The following METTL15 variants were observed in gnomAD, a reference collection of about 807,000 sequenced individuals.
METTL15 encodes 12S rRNA N(4)-cytidine methyltransferase METTL15.
METTL15 carries 34 observed loss-of-function variants against 38.3 expected under a neutral mutation model. The observed-to-expected ratio is 0.89, with a 90% CI of 0.68 to 1.18. The LOEUF (loss-of-function observed/expected upper bound fraction) is 1.18, where lower values mean the gene tolerates loss of function less well. METTL15 is among the 50% of genes most tolerant of loss of function. The pLI is 0.00. For missense variants in METTL15, 438 were observed against 498.4 expected, an observed-to-expected ratio of 0.88 and a Z score of 1.15; for synonymous variants, 162 against 170.9, an observed-to-expected ratio of 0.95 and a Z score of 0.41.
chr11:28,177,963 A>C lies in METTL15; in HGVS notation c.271-33099A>C, dbSNP rs138336557. Among the ~76,000 whole-genome samples the C allele has an allele frequency of 2.2e-4, 33 of 152,112 alleles. 1 individual carries two copies. Among genetic ancestry groups the C allele is most frequent in the Admixed American group, 1.3e-3 (20 of 15,252 alleles). ...AGCATAATCGAAGACAGTTACTCTT[A>C]TTATATTATTACATTGCTGATTTGG... On this transcript the variant is annotated intron_variant, in intron 3 of 6. Coordinates refer to ENST00000407364, the MANE Select transcript of METTL15 (RefSeq NM_001113528.2).
At chr11:28,216,319 G>C (rs1852868227) in intron 4 of METTL15, among the ~76,000 whole-genome samples, 1 of 151,878 alleles carries the variant, frequency 6.6e-6, no homozygotes, top group South Asian at 2.1e-4. Context: ...TCCAAAAATT[G>C]ATTCTGCTAA....
At chr11:28,439,971 C>T (rs1411574626) in intron 6 of METTL15, among the ~76,000 whole-genome samples, 1 of 152,074 alleles carries the variant, frequency 6.6e-6, no homozygotes, top group African/African-American at 2.4e-5. Flanking sequence ...GCTCCTAGGG[C>T]TTTTTATTTG....
rs535069071 is a variant in METTL15, at chr11:28,137,077, C to G, written c.270+23473C>G. On this transcript the variant is annotated intron_variant, in intron 3 of 6. Coordinates refer to ENST00000407364, the MANE Select transcript of METTL15 (RefSeq NM_001113528.2). ...TTTATCCAATCTTAGCCAGTTTGAC[C>G]ATGAGGTGAGATTTTGGTAAACCTT... Among the ~76,000 whole-genome samples the G allele has an allele frequency of 2.0e-5, 3 of 152,222 alleles. No individual in the cohort carries two copies. In the East Asian group the frequency reaches 5.8e-4, roughly 29 times the overall value.
chr11:28,243,674 T>C (rs1162074848), intron 4 of METTL15, among the ~76,000 whole-genome samples: 3 of 152,158 alleles, frequency 2.0e-5, no homozygotes, highest in African/African-American at 7.2e-5. Context: ...CTGTATAAAG[T>C]ATATGACAAA....
chr11:28,361,377 T>C (rs1410748162), intron 4 of METTL15, among the ~76,000 whole-genome samples: 3 of 152,054 alleles, frequency 2.0e-5, no homozygotes, highest in East Asian at 3.9e-4. Flanking sequence ...TGGTATCTCA[T>C]TGTGGTTTTG....
At chr11:28,479,607 A>G (rs751892469) in intron 6 of METTL15, among the ~76,000 whole-genome samples, 1 of 152,124 alleles carries the variant, frequency 6.6e-6, no homozygotes, top group East Asian at 1.9e-4. Flanking sequence ...CTCTTTTCCT[A>G]TTTTGAGGTC....
intron 6 of METTL15, among the ~76,000 whole-genome samples, chr11:28,512,868 G>A (rs916086310): frequency 8.5e-5 from 13 of 152,202 alleles, no homozygotes; most frequent in Admixed American, 6.5e-4. Flanking sequence ...CAAGGGCTGC[G>A]AGGGCTGCCA....
chr11:28,528,190 T>C (rs1178589295), downstream of METTL15, among the ~76,000 whole-genome samples: 1 of 152,234 alleles, frequency 6.6e-6, no homozygotes, highest in Non-Finnish European at 1.5e-5. Context: ...AGAAAGTTAA[T>C]TCTTTTCAGC....
intron 4 of METTL15, among the ~76,000 whole-genome samples, chr11:28,265,288 A>G (rs574889598): frequency 3.3e-4 from 50 of 151,714 alleles, no homozygotes; most frequent in African/African-American, 1.2e-3. Flanking sequence ...CCCTAAATTC[A>G]CAAGGTCTCA....
At chr11:28,358,513 C>G (rs1850109227) in intron 4 of METTL15, among the ~76,000 whole-genome samples, 1 of 152,196 alleles carries the variant, frequency 6.6e-6, no homozygotes, top group Admixed American at 6.5e-5. Context: ...TACTTTGGAT[C>G]TGAGGTAGAC....
At chr11:28,315,929 G>T (rs991904617) in intron 6 of METTL15, among the ~76,000 whole-genome samples, 2 of 152,240 alleles carry the variant, frequency 1.3e-5, no homozygotes, top group Non-Finnish European at 2.9e-5. Flanking sequence ...GATTTCAGAA[G>T]ATGTATGGAA....
chr11:28,502,134 C>T (rs1851589679), intron 6 of METTL15, among the ~76,000 whole-genome samples: 1 of 150,782 alleles, frequency 6.6e-6, no homozygotes, highest in African/African-American at 2.4e-5. Flanking sequence ...AGCTCTTCCA[C>T]AAGGGCACAG....
intron 5 of METTL15, among the ~76,000 whole-genome samples, chr11:28,408,661 A>G (rs1386066168): frequency 6.6e-6 from 1 of 152,204 alleles, no homozygotes; most frequent in African/African-American, 2.4e-5. Flanking sequence ...AGACTACTTA[A>G]TGATGTGAAA....
intron 3 of METTL15, among the ~76,000 whole-genome samples, chr11:28,198,410 A>G (rs1163354877): frequency 2.6e-5 from 4 of 152,122 alleles, no homozygotes; most frequent in Non-Finnish European, 5.9e-5. Flanking sequence ...GAGAAAATAA[A>G]TTTTACTTTT....
intron 5 of METTL15, among the ~76,000 whole-genome samples, chr11:28,407,843 A>T (rs1850687405): frequency 6.6e-6 from 1 of 152,206 alleles, no homozygotes; most frequent in African/African-American, 2.4e-5. Context: ...TCTATTATAA[A>T]GATAAATGCA....
intron 3 of METTL15, among the ~76,000 whole-genome samples, chr11:28,159,867 A>C (rs994252231): frequency 6.6e-6 from 1 of 152,098 alleles, no homozygotes; most frequent in Non-Finnish European, 1.5e-5. Context: ...TATGAGTTCA[A>C]GTTGACAAGG....
chr11:28,299,784 G>A (rs1856852159), intron 6 of METTL15, among the ~76,000 whole-genome samples: 1 of 152,046 alleles, frequency 6.6e-6, no homozygotes, highest in South Asian at 2.1e-4. Context: ...TTACAGTTTT[G>A]GAGACTTGAA....
intron 4 of METTL15, among the ~76,000 whole-genome samples, chr11:28,360,435 T>C (rs1432860622): frequency 6.6e-6 from 1 of 152,214 alleles, no homozygotes; most frequent in Non-Finnish European, 1.5e-5. Flanking sequence ...CCTTAGTTTG[T>C]CTTATAACCA....
intron 6 of METTL15, among the ~76,000 whole-genome samples, chr11:28,427,777 T>A (rs529897140): frequency 6.6e-6 from 1 of 152,374 alleles, no homozygotes. Flanking sequence ...TTTCGCACAC[T>A]GATTTTGTAT....
Sources: gnomAD v4.1 joint callset for allele counts (sites outside exome capture counted in the v4.1 genomes callset) on GRCh38, gnomAD v4.1.1 for gene constraint, MANE v1.5 for transcripts, NCBI Gene and HGNC (gene_info 2026-07-23, HGNC 2026-07-21) for gene names.